PLPP4: variants seen among roughly 807,000 people sequenced by gnomAD.
The protein encoded by PLPP4 is diacylglycerol pyrophosphate like 2.
Under a neutral mutation model 32.2 loss-of-function variants are expected in PLPP4, and 20 were observed. The observed-to-expected ratio is 0.62, with a 90% confidence interval of 0.44 to 0.90. The LOEUF (loss-of-function observed/expected upper bound fraction) is 0.90. Ranked by LOEUF, PLPP4 falls within the 40% of genes least tolerant of loss-of-function variation. PLPP4 has a pLI of 0.00. For synonymous variants in PLPP4, 127 were observed against 133.0 expected (o/e 0.95, Z 0.31); for missense variants, 257 against 353.1 (o/e 0.73, Z 2.18).
chr10:120,457,610 G>C (rs527642767), intron 1 of PLPP4, among the ~76,000 whole-genome samples: 1 of 152,088 alleles, frequency 6.6e-6, no homozygotes, highest in African/African-American at 2.4e-5. Context: ...GTCTCACCGG[G>C]CCCGCGCCTG....
At position 120,572,701 on chromosome 10, in the gene PLPP4, G is replaced by A. The variant is rs185016195; in HGVS notation, c.446-2430G>A. Among the ~76,000 whole-genome samples, 71 of 152,250 alleles carry A rather than the reference G, an allele frequency of 4.7e-4. 1 individual carries two copies. The East Asian group carries it at 5.8e-3, about 12-fold the overall frequency. On this transcript the variant is annotated intron_variant, in intron 5 of 6. Transcript: ENST00000398250. ...ATTCCTCCTGAAGGAGCTCAGGATG[G>A]GATCAATACCAATGGGATCCAACTC... is the stretch of plus-strand genomic sequence containing the variant.
At chr10:120,492,039 C>T (rs183042535) in intron 1 of PLPP4, among the ~76,000 whole-genome samples, 73 of 152,264 alleles carry the variant, frequency 4.8e-4, no homozygotes, top group Admixed American at 1.3e-3. Flanking sequence ...CTATTAATGC[C>T]AGTTGCTGAG....
chr10:120,511,300 T>G (rs967690869), intron 2 of PLPP4, among the ~76,000 whole-genome samples: 1 of 152,198 alleles, frequency 6.6e-6, no homozygotes, highest in Non-Finnish European at 1.5e-5. Context: ...GCCTTGATCC[T>G]GAGCGCCTCC....
chr10:120,460,496 T>G (rs911566178), intron 1 of PLPP4, among the ~76,000 whole-genome samples: 1 of 152,128 alleles, frequency 6.6e-6, no homozygotes, highest in Middle Eastern at 3.2e-3. Flanking sequence ...ACCAGTACAA[T>G]AGCAATCATT....
intron 5 of PLPP4, among the ~76,000 whole-genome samples, chr10:120,564,846 A>T (rs1848612540): frequency 6.6e-6 from 1 of 152,084 alleles, no homozygotes; most frequent in African/African-American, 2.4e-5. Flanking sequence ...TTATGTATGT[A>T]TTTAAAAAAT....
At chr10:120,531,595 C>T (rs1846724678) in intron 5 of PLPP4, among the ~76,000 whole-genome samples, 1 of 151,992 alleles carries the variant, frequency 6.6e-6, no homozygotes, top group African/African-American at 2.4e-5. Context: ...AGGCTTTTCT[C>T]TAATTTTTGT....
chr10:120,566,387 G>A (rs991393953), intron 5 of PLPP4, among the ~76,000 whole-genome samples: 21 of 152,102 alleles, frequency 1.4e-4, no homozygotes, highest in African/African-American at 5.1e-4. Flanking sequence ...CCCACTTAAG[G>A]TTTTTTGGAG....
At chr10:120,584,568 T>C (rs979257527) in intron 6 of PLPP4, among the ~76,000 whole-genome samples, 2 of 152,224 alleles carry the variant, frequency 1.3e-5, no homozygotes, top group African/African-American at 4.8e-5. Flanking sequence ...TATTTCCCTT[T>C]TGAGACTTCT....
intron 1 of PLPP4, among the ~76,000 whole-genome samples, chr10:120,479,150 C>T (rs577462297): frequency 2.3e-4 from 35 of 152,124 alleles, no homozygotes; most frequent in African/African-American, 7.2e-4. Context: ...GGCGTGAACC[C>T]GGGAGGTAGA....
chr10:120,505,556 T>G (rs1294518640), intron 2 of PLPP4, among the ~76,000 whole-genome samples: 1 of 152,214 alleles, frequency 6.6e-6, no homozygotes, highest in Non-Finnish European at 1.5e-5. Flanking sequence ...AGAGGAAATT[T>G]TGTTAATTAG....
At chr10:120,463,318 G>A (rs891846133) in intron 1 of PLPP4, among the ~76,000 whole-genome samples, 1 of 152,144 alleles carries the variant, frequency 6.6e-6, no homozygotes, top group Non-Finnish European at 1.5e-5. Context: ...GAGCCACCGT[G>A]CCCGGCCTAG....
At chr10:120,520,085 G>C (rs1280478760) in intron 4 of PLPP4, among the ~76,000 whole-genome samples, 1 of 152,208 alleles carries the variant, frequency 6.6e-6, no homozygotes, top group African/African-American at 2.4e-5. Context: ...GGATTATATG[G>C]CACAGCAGGT....
At chr10:120,469,812 GAT>G (rs1022392538) in intron 1 of PLPP4, among the ~76,000 whole-genome samples, 3 of 152,050 alleles carry the variant, frequency 2.0e-5, no homozygotes, top group African/African-American at 7.2e-5. Context: ...ATCTCTTTAA[GAT>G]ATTATATATA....
At chr10:120,538,052 C>CTCTCTCTCTGTGTGTGTG (rs1847142984) in intron 5 of PLPP4, among the ~76,000 whole-genome samples, 7 of 18,994 alleles carry the variant, frequency 3.7e-4, no homozygotes, top group African/African-American at 1.2e-3. Flanking sequence ...CTCTCTCTCT[C>CTCTCTCTCTGTGTGTGTG]TGTGTGTGTG....
chr10:120,471,216 A>T (rs1848504133), intron 1 of PLPP4, among the ~76,000 whole-genome samples: 1 of 152,176 alleles, frequency 6.6e-6, no homozygotes. Context: ...TCTCTGTCAA[A>T]CAAGAATAAT....
At chr10:120,581,950 A>G (rs1436472701) in intron 6 of PLPP4, among the ~76,000 whole-genome samples, 1 of 152,198 alleles carries the variant, frequency 6.6e-6, no homozygotes, top group Non-Finnish European at 1.5e-5. Flanking sequence ...GTATGTGGCC[A>G]TGAGATCTTT....
chr10:120,460,038 G>T (rs1017863775), intron 1 of PLPP4, among the ~76,000 whole-genome samples: 1 of 152,124 alleles, frequency 6.6e-6, no homozygotes, highest in Non-Finnish European at 1.5e-5. Flanking sequence ...CCCCGCTCCC[G>T]CAACCAACCC....
chr10:120,536,671 C>CAAAAAAAAAAAAAAAAAAAAAA (rs35552215), intron 5 of PLPP4, among the ~76,000 whole-genome samples: 1 of 124,734 alleles, frequency 8.0e-6, no homozygotes. Context: ...AAAGCACAGG[C>CAAAAAAAAAAAAAAAAAAAAAA]AAAAAAAAAA....
chr10:120,465,753 C>T (rs1314452813), intron 1 of PLPP4, among the ~76,000 whole-genome samples: 2 of 152,110 alleles, frequency 1.3e-5, no homozygotes, highest in Non-Finnish European at 2.9e-5. Flanking sequence ...GAAAACTACC[C>T]GATCTACCAA....
Sources: allele counts gnomAD v4.1 joint callset (sites outside exome capture counted in the v4.1 genomes callset), GRCh38; gene constraint gnomAD v4.1.1; transcripts MANE v1.5; gene names NCBI Gene and HGNC (gene_info 2026-07-23, HGNC 2026-07-21).